Variants in DCAF5 observed in about 807,000 individuals in gnomAD.
DCAF5 encodes DDB1 and CUL4 associated factor 5, also known as DDB1- and CUL4-associated factor 5.
Under a neutral mutation model 80.7 loss-of-function variants are expected in DCAF5, and 9 were observed. The ratio of observed to expected loss-of-function variants is 0.11; its 90% confidence interval spans 0.07 to 0.19. The LOEUF (loss-of-function observed/expected upper bound fraction) is 0.19. Among genes scored for constraint, DCAF5 ranks in the 10% least tolerant of loss-of-function variants. The probability of loss-of-function intolerance (pLI) is 1.00; values close to 1 mark genes in which losing one functional copy is unlikely to be tolerated. For missense variants in DCAF5, 842 were observed against 1,205.7 expected, an observed-to-expected ratio of 0.70 and a Z score of 4.47; for synonymous variants, 433 against 461.9, an observed-to-expected ratio of 0.94 and a Z score of 0.80.
At position 69,122,298 on chromosome 14, in the gene DCAF5, G is replaced by C. The variant is rs1228337009; in HGVS notation, c.277C>G (p.Pro93Ala). Reference protein sequence around the residue: ...MEQAIHSRVKPIQLKGEHHSN... With the variant: ...MEQAIHSRVKAIQLKGEHHSN... ...TGGTGCTCTCCTTTCAGCTGTATGG[G>C]CTTGACCCTGGAGTGGATGGCTTGT... Residue 93 changes from proline to alanine, a missense_variant, in exon 2 of 9, where the codon CCC becomes GCC. By Grantham distance (27) the Pro-to-Ala change is conservative (BLOSUM62 -1). This residue lies in a region of DCAF5 where 142 missense variants were observed against 311.9 expected (regional missense o/e 0.46). Coordinates refer to ENST00000341516, the MANE Select transcript of DCAF5 (RefSeq NM_003861.3). 1 of 1,613,878 alleles carries C rather than the reference G, an allele frequency of 6.2e-7. No homozygotes were observed. Among genetic ancestry groups the C allele is most frequent in the Non-Finnish European group, 8.5e-7 (1 of 1,179,912 alleles).
chr14:69,067,176 A>G (rs1334497320), intron 7 of DCAF5, among the ~76,000 whole-genome samples: 1 of 152,194 alleles, frequency 6.6e-6, no homozygotes, highest in African/African-American at 2.4e-5. Flanking sequence ...AACTGTGCCT[A>G]GCACATAGTA....
intron 5 of DCAF5, among the ~76,000 whole-genome samples, chr14:69,113,189 C>T (rs1297164073): frequency 6.6e-6 from 1 of 152,002 alleles, no homozygotes; most frequent in African/African-American, 2.4e-5. Flanking sequence ...ATAGGTTAAG[C>T]CAGGAAGGAG....
At chr14:69,131,903 C>G (rs2041049927) in intron 1 of DCAF5, among the ~76,000 whole-genome samples, 1 of 152,096 alleles carries the variant, frequency 6.6e-6, no homozygotes, top group Non-Finnish European at 1.5e-5. Flanking sequence ...CTGCCATTCT[C>G]CCCCTAGACA....
At chr14:69,092,078 G>T (rs2039551553) in intron 5 of DCAF5, among the ~76,000 whole-genome samples, 191 bp from the exon 6 acceptor site, 1 of 152,194 alleles carries the variant, frequency 6.6e-6, no homozygotes, top group South Asian at 2.1e-4. Context: ...TACTTCAATT[G>T]TCAGTTCTCT....
At chr14:69,111,401 C>G (rs2040359815) in intron 5 of DCAF5, among the ~76,000 whole-genome samples, 1 of 152,140 alleles carries the variant, frequency 6.6e-6, no homozygotes, top group Non-Finnish European at 1.5e-5. Flanking sequence ...TAAGATAAGT[C>G]TTTATAGGGA....
At chr14:69,063,715 G>A (rs776416643) in intron 7 of DCAF5, among the ~76,000 whole-genome samples, 2 of 152,166 alleles carry the variant, frequency 1.3e-5, no homozygotes, top group Non-Finnish European at 1.5e-5. Flanking sequence ...GGCTCTAGGG[G>A]TATCTTCTGC....
chr14:69,113,289 C>A (rs1276336645), intron 5 of DCAF5, among the ~76,000 whole-genome samples: 1 of 152,100 alleles, frequency 6.6e-6, no homozygotes, highest in Admixed American at 6.5e-5. Context: ...CATGCCTGTG[C>A]AATTACAAGC....
At chr14:69,107,064 T>TTAAAA (rs2040187629) in intron 5 of DCAF5, among the ~76,000 whole-genome samples, 3 of 151,084 alleles carry the variant, frequency 2.0e-5, no homozygotes, top group African/African-American at 4.9e-5. Context: ...AATAATTAAA[T>TTAAAA]AATTAAATAA....
chr14:69,097,371 C>T (rs1270961892), intron 5 of DCAF5, among the ~76,000 whole-genome samples: 2 of 151,992 alleles, frequency 1.3e-5, no homozygotes, highest in East Asian at 1.9e-4. Context: ...AATATGAATG[C>T]CTCAGAACAA....
At chr14:69,083,577 G>T in intron 6 of DCAF5, 2 of 457,898 alleles carry the variant, frequency 4.4e-6, no homozygotes, top group South Asian at 2.2e-5. Flanking sequence ...AACATTCTAT[G>T]AATGTGGGCT....
chr14:69,122,818 T>C (rs933222033), intron 1 of DCAF5, among the ~76,000 whole-genome samples: 1 of 152,170 alleles, frequency 6.6e-6, no homozygotes, highest in African/African-American at 2.4e-5. Context: ...TATGATCTCA[T>C]TGATTGTGGA....
chr14:69,087,203 A>G (rs1037749125), intron 6 of DCAF5, among the ~76,000 whole-genome samples: 11 of 152,236 alleles, frequency 7.2e-5, no homozygotes, highest in Admixed American at 3.9e-4. Flanking sequence ...TTATATGTGC[A>G]TGCCAGAAAA....
At chr14:69,150,661 G>A (rs1233508544) in intron 1 of DCAF5, among the ~76,000 whole-genome samples, 1 of 151,690 alleles carries the variant, frequency 6.6e-6, no homozygotes, top group African/African-American at 2.4e-5. Context: ...TGAGGCAGGA[G>A]GATTACTTAA....
chr14:69,086,966 T>C (rs960833289), intron 6 of DCAF5, among the ~76,000 whole-genome samples: 1 of 152,228 alleles, frequency 6.6e-6, no homozygotes, highest in African/African-American at 2.4e-5. Flanking sequence ...TCTCCTTTTG[T>C]GTACATCCTA....
intron 6 of DCAF5, among the ~76,000 whole-genome samples, chr14:69,081,596 T>C (rs1307616288): frequency 1.3e-5 from 2 of 152,058 alleles, no homozygotes; most frequent in South Asian, 2.1e-4. Flanking sequence ...TGCTCGAGCA[T>C]AGGAAGAGAT....
At chr14:69,056,546 A>G (rs1232687868) in intron 8 of DCAF5, among the ~76,000 whole-genome samples, 1 of 152,236 alleles carries the variant, frequency 6.6e-6, no homozygotes, top group East Asian at 1.9e-4. Flanking sequence ...ACTGGTTCAC[A>G]GCAGCACAGA....
At chr14:69,083,488 T>C in intron 6 of DCAF5, 2 of 330,484 alleles carry the variant, frequency 6.1e-6, no homozygotes, top group Non-Finnish European at 1.2e-5. Flanking sequence ...GCAGGGGGCC[T>C]CAAATCTGAC....
In DCAF5 at chr14:69,096,332, C is replaced by T. The variant is rs532294122; in HGVS notation, c.666-4445G>A. Among the ~76,000 whole-genome samples, 12 of 152,274 alleles carry T rather than the reference C, an allele frequency of 7.9e-5. No individual in the cohort carries two copies. In the South Asian group the frequency reaches 1.2e-3, roughly 16 times the overall value. ...CAACCAACCCAAGGAAGACACATTG[C>T]GATCTGTGAATGAACACATTTATTT... is the stretch of plus-strand genomic sequence containing the variant. On this transcript the variant is annotated intron_variant, in intron 5 of 8. Coordinates refer to ENST00000341516, the MANE Select transcript of DCAF5 (RefSeq NM_003861.3).
At chr14:69,084,589 T>C in intron 6 of DCAF5, 3 of 819,398 alleles carry the variant, frequency 3.7e-6, no homozygotes, top group Non-Finnish European at 6.1e-6. Context: ...AGCAGGGATA[T>C]GTTGTTTGTC....
Sources: allele counts gnomAD v4.1 joint callset (sites outside exome capture counted in the v4.1 genomes callset), GRCh38; gene constraint gnomAD v4.1.1; regional missense constraint gnomAD v4.1.1; transcripts MANE v1.5; gene names NCBI Gene and HGNC (gene_info 2026-07-23, HGNC 2026-07-21).